The following ZNF124 variants were observed in gnomAD, a reference collection of about 807,000 sequenced individuals.
ZNF124 encodes the protein zinc finger protein 124, also known as zinc finger protein HZF-16.
Under a neutral mutation model 26.6 loss-of-function variants are expected in ZNF124, and 25 were observed. The ratio of observed to expected loss-of-function variants is 0.94; its 90% CI spans 0.68 to 1.31. The LOEUF (loss-of-function observed/expected upper bound fraction) is 1.31, where lower values mean the gene tolerates loss of function less well. Ranked by LOEUF, ZNF124 falls within the 40% of genes most tolerant of loss-of-function variation. ZNF124 has a pLI of 0.00. For synonymous variants in ZNF124, 129 were observed against 133.3 expected (o/e 0.97, Z 0.22); for missense variants, 444 against 422.2 (o/e 1.05, Z -0.45).
At chr1:247,137,003 T>C (rs757848633) in intron 3 of ZNF124, among the ~76,000 whole-genome samples, 35 of 151,526 alleles carry the variant, frequency 2.3e-4, no homozygotes, top group Non-Finnish European at 4.3e-4. Flanking sequence ...AAGACAATCC[T>C]AAGCAAAAAG....
chr1:247,150,282 T>C (rs1672894524), downstream of ZNF124, among the ~76,000 whole-genome samples: 6 of 152,134 alleles, frequency 3.9e-5, no homozygotes, highest in Admixed American at 3.3e-4. Context: ...AAATAACTTA[T>C]CCATTGAGCA....
chr1:247,148,222 G>A (rs1572071827), intron 3 of ZNF124, among the ~76,000 whole-genome samples: 1 of 152,278 alleles, frequency 6.6e-6, no homozygotes, highest in South Asian at 2.1e-4. Flanking sequence ...ACAGGTTGGC[G>A]AGTGGAGGGA....
chr1:247,147,817 A>C (rs1393028339), intron 3 of ZNF124, among the ~76,000 whole-genome samples: 1 of 152,100 alleles, frequency 6.6e-6, no homozygotes, highest in African/African-American at 2.4e-5. Context: ...AAACACATAC[A>C]ACAAAATTCT....
Position 247,156,942 on chromosome 1 carries a change from GTTCT to G in ZNF124, c.676_679del (p.Arg226LeufsTer27). The G allele has an allele frequency of 6.2e-7, 1 of 1,612,862 alleles. No homozygotes were observed. Among genetic ancestry groups the G allele is most frequent in the Non-Finnish European group, 8.5e-7 (1 of 1,179,418 alleles). On this transcript the variant is annotated frameshift_variant, in exon 4 of 4. Coordinates refer to ENST00000543802, the MANE Select transcript of ZNF124 (RefSeq NM_001297568.2). LOFTEE classifies it high-confidence loss of function. ...CACATAAGGTTTCTCTCCAGTGTGA[GTTCT>G]TTCATGGTAATGAAGGCAATTGGAG...
rs750945691 is a variant in ZNF124, at chr1:247,159,768, C to T, written c.76G>A (p.Glu26Lys). The T allele has an allele frequency of 5.0e-6, 8 of 1,613,648 alleles. No homozygotes were observed. The South Asian group carries it at 8.8e-5, about 18-fold the overall frequency. ...TGGGAAGGATCCAACAAAGCCCACT[C>T]CTCCTGGGTGAAGTTCACAGCCACA... ...EDVAVNFTQEEWALLDPSQKN... is the reference protein window; with the variant it reads ...EDVAVNFTQEKWALLDPSQKN... The change falls in exon 2 of 4, where the codon GAG (glutamate) becomes AAG (lysine). Residue 26 changes from glutamate to lysine, a missense_variant. Glu to Lys is a moderately conservative substitution (Grantham distance 56). Transcript: ENST00000543802.
chr1:247,170,611 T>G (rs893071839), intron 1 of ZNF124, among the ~76,000 whole-genome samples: 2 of 143,948 alleles, frequency 1.4e-5, no homozygotes, highest in East Asian at 4.0e-4. Context: ...CCGGAAGCTT[T>G]GGCAAGACTC....
intron 3 of ZNF124, among the ~76,000 whole-genome samples, chr1:247,133,750 T>G (rs1051863300): frequency 6.7e-6 from 1 of 148,462 alleles, no homozygotes; most frequent in East Asian, 2.0e-4. Flanking sequence ...ACCTCCCAGG[T>G]TCAAGCGATT....
At chr1:247,154,316 C>T (rs559904957), downstream of ZNF124, among the ~76,000 whole-genome samples, 1 of 152,250 alleles carries the variant, frequency 6.6e-6, no homozygotes, top group East Asian at 1.9e-4. Context: ...GGCATTTTCC[C>T]TGCTTGTACT....
chr1:247,134,042 C>T lies in ZNF124; in HGVS notation c.219-10171G>A, dbSNP rs970425932. Among the ~76,000 whole-genome samples the T allele has an allele frequency of 3.3e-5, 5 of 152,104 alleles. No homozygotes were observed. The South Asian group carries it at 6.2e-4, about 19-fold the overall frequency. Reference sequence around the variant, plus strand: ...AAGTGAAGGAGAAATAAAATCCTTTCCAGACAAATGCTGAAGGATTTCGTT... The same window carrying T: ...AAGTGAAGGAGAAATAAAATCCTTTTCAGACAAATGCTGAAGGATTTCGTT... On this transcript the variant is annotated intron_variant, in intron 3 of 3. Coordinates refer to the ZNF124 transcript ENST00000472531.
At chr1:247,125,202 G>C (rs952019719) in intron 3 of ZNF124, among the ~76,000 whole-genome samples, 2 of 152,098 alleles carry the variant, frequency 1.3e-5, no homozygotes, top group African/African-American at 4.8e-5. Flanking sequence ...TGGCTGTTAC[G>C]AATGCTGCTG....
rs1262555177 is a variant in ZNF124 at position 247,156,753 on chromosome 1, T to C, written c.869A>G (p.Tyr290Cys). ...HEKTHIAQKP[Y>C]VCNNCGKGFR... is the part of the protein sequence containing the mutation. ...GCCTTTACCACAATTGTTACATACA[T>C]AGGGTTTCTGTGCAATATGAGTTTT... Residue 290 changes from tyrosine to cysteine, a missense_variant, in exon 4 of 4, where the codon TAT becomes TGT. Physicochemically the swap from Tyr to Cys is radical, Grantham distance 194. Transcript: ENST00000543802. The C allele has an allele frequency of 9.9e-6, 16 of 1,613,064 alleles. No individual in the cohort carries two copies. Among genetic ancestry groups the C allele is most frequent in the South Asian group, 4.4e-5 (4 of 90,982 alleles).
intron 1 of ZNF124, among the ~76,000 whole-genome samples, chr1:247,167,409 T>C (rs756350220): frequency 1.3e-5 from 2 of 152,254 alleles, no homozygotes; most frequent in Non-Finnish European, 2.9e-5. Context: ...ACTGATGTTT[T>C]GGTTAATTTT....
rs573457103 is a variant in ZNF124 at position 247,128,836 on chromosome 1, G to A, written c.219-4965C>T. ...TGCATTTGGGGCACAGTGGGGACAC[G>A]GCGCAGTTTTCTGGGGGAGGGTGGG... On this transcript the variant is annotated intron_variant, in intron 3 of 3. Coordinates refer to the ZNF124 transcript ENST00000472531. Among the ~76,000 whole-genome samples the A allele has an allele frequency of 2.5e-4, 38 of 151,582 alleles. No homozygotes were observed. In the East Asian group the frequency reaches 5.3e-3, roughly 21 times the overall value.
In ZNF124 at chr1:247,168,089, C is replaced by A. The variant is rs1184850141; in HGVS notation, c.30+3759G>T. ...GTGTGGATGTGGTGAACAGGGAACA[C>A]TTCTACACTGCTGATGGGAGTGTCA... On this transcript the variant is annotated intron_variant, in intron 1 of 3. Coordinates refer to ENST00000543802, the MANE Select transcript of ZNF124 (RefSeq NM_001297568.2). The surrounding 1 kb of genome is among the most constrained non-coding windows in gnomAD (Gnocchi z 4.0). Among the ~76,000 whole-genome samples, 1 of 152,190 alleles carries A rather than the reference C, an allele frequency of 6.6e-6. No homozygotes were observed. The highest frequency in any genetic ancestry group is 2.4e-5 in the African/African-American group (1 of 41,438).
chr1:247,163,438 CA>C (rs1291899382), intron 1 of ZNF124, among the ~76,000 whole-genome samples: 1 of 146,372 alleles, frequency 6.8e-6, no homozygotes. Flanking sequence ...TCAGAAGTGA[CA>C]AAAAGGGTAT....
chr1:247,156,800 G>A lies in ZNF124; in HGVS notation c.822C>T (p.Ala274=). 6.2e-7 allele frequency: 1 copy of A among 1,614,030 alleles called. No individual in the cohort carries two copies. The highest frequency in any genetic ancestry group is 1.1e-5 in the South Asian group (1 of 91,076). Residue 274 remains alanine (A), a synonymous_variant, in exon 4 of 4, where the codon GCC becomes GCT. Coordinates refer to ENST00000543802, the MANE Select transcript of ZNF124 (RefSeq NM_001297568.2). The part of the protein sequence containing the change: ...CKQCGKAFRY[A]SSLQKHEKTH... ...TTTTCTCGTGTTTCTGAAGGGAACT[G>A]GCGTATCTGAAGGCTTTCCCACATT...
chr1:247,127,933 T>G (rs898913921), intron 3 of ZNF124, among the ~76,000 whole-genome samples: 10 of 152,152 alleles, frequency 6.6e-5, no homozygotes, highest in Non-Finnish European at 1.5e-4. Context: ...TTCTTCCTAT[T>G]TAATTATTTC....
downstream of ZNF124, among the ~76,000 whole-genome samples, chr1:247,152,833 T>A (rs577698643): frequency 1.3e-5 from 2 of 152,292 alleles, no homozygotes; most frequent in South Asian, 4.1e-4. Flanking sequence ...TGAACAAACA[T>A]ATACAACCCA....
intron 3 of ZNF124, among the ~76,000 whole-genome samples, chr1:247,131,165 G>A (rs115655383): frequency 2.0e-3 from 305 of 152,336 alleles, no homozygotes; most frequent in African/African-American, 7.0e-3. Flanking sequence ...TGTGACCCAT[G>A]GAGAGAAGGA....
Sources: allele counts gnomAD v4.1 joint callset (sites outside exome capture counted in the v4.1 genomes callset), GRCh38; gene constraint gnomAD v4.1.1; non-coding constraint Gnocchi (gnomAD v3.1); transcripts MANE v1.5; gene names NCBI Gene and HGNC (gene_info 2026-07-23, HGNC 2026-07-21).